The following RGSL1 variants were observed in gnomAD, a reference collection of about 807,000 sequenced individuals.
RGSL1 encodes the protein regulator of G protein signaling like 1.
RGSL1 carries 97 observed loss-of-function variants against 124.7 expected under a neutral mutation model. The ratio of observed to expected loss-of-function variants is 0.78; its 90% CI spans 0.66 to 0.92. The LOEUF is 0.92. RGSL1 is among the 40% of genes least tolerant of loss of function. RGSL1 has a pLI of 0.00. For missense variants in RGSL1, 1,233 were observed against 1,288.4 expected, an observed-to-expected ratio of 0.96 and a Z score of 0.66; for synonymous variants, 424 against 438.1, an observed-to-expected ratio of 0.97 and a Z score of 0.40.
rs372178330 is a variant in RGSL1, at chr1:182,451,579, T to A, written c.13+1401T>A. On this transcript the variant is annotated intron_variant, in intron 1 of 21. Coordinates refer to ENST00000294854, the MANE Select transcript of RGSL1 (RefSeq NM_001137669.2). ...GCACATGCAGGAAACAGCAATGCCT[T>A]GGCTTAGCTTGCAAACAGGAGGCAG... is the stretch of plus-strand genomic sequence containing the variant. Among the ~76,000 whole-genome samples the A allele has an allele frequency of 6.6e-5, 10 of 151,570 alleles. No homozygotes were observed. The East Asian group carries it at 2.0e-3, about 30-fold the overall frequency.
At chr1:182,533,366 T>A (rs1659323821) in intron 14 of RGSL1, among the ~76,000 whole-genome samples, 1 of 151,826 alleles carries the variant, frequency 6.6e-6, no homozygotes, top group Admixed American at 6.6e-5. Flanking sequence ...TATATCTGCC[T>A]TGTTTTTGAC....
chr1:182,497,063 A>G (rs1655969491), intron 9 of RGSL1, among the ~76,000 whole-genome samples: 1 of 152,114 alleles, frequency 6.6e-6, no homozygotes, highest in Non-Finnish European at 1.5e-5. Flanking sequence ...GACTAATGTA[A>G]TATTCTGCAG....
chr1:182,517,155 G>C (rs1468118937), intron 9 of RGSL1, among the ~76,000 whole-genome samples: 1 of 152,040 alleles, frequency 6.6e-6, no homozygotes, highest in Non-Finnish European at 1.5e-5. Context: ...TTGCATGGCA[G>C]TGTTTTTCTT....
intron 6 of RGSL1, among the ~76,000 whole-genome samples, chr1:182,483,371 A>G (rs141717230): frequency 0.014 from 2,206 of 152,264 alleles, 49 homozygotes; most frequent in African/African-American, 0.047. Context: ...ATCTTCAGAG[A>G]CATCAAGTTG....
At chr1:182,553,601 A>G in intron 19 of RGSL1, 60 bp downstream of exon 19, 1 of 1,455,354 alleles carries the variant, frequency 6.9e-7, no homozygotes. Flanking sequence ...GGACTTTAAA[A>G]CCAGCTTGGC....
intron 4 of RGSL1, among the ~76,000 whole-genome samples, chr1:182,464,210 T>G (rs1196837731): frequency 1.3e-5 from 2 of 152,094 alleles, no homozygotes; most frequent in Non-Finnish European, 2.9e-5. Context: ...ATGGGAAAAT[T>G]TATAGCTATG....
At chr1:182,509,753 G>A (rs1657223480) in intron 9 of RGSL1, among the ~76,000 whole-genome samples, 1 of 137,250 alleles carries the variant, frequency 7.3e-6, no homozygotes, top group African/African-American at 2.7e-5. Flanking sequence ...GGCACGGCTG[G>A]CCGGGTGGGG....
rs1330406434 is a variant in RGSL1 at position 182,450,179 on chromosome 1, G to C, written c.13+1G>C. 6.4e-7 allele frequency: 1 copy of C among 1,552,006 alleles called. No homozygotes were observed. Among genetic ancestry groups the C allele is most frequent in the African/African-American group, 1.4e-5 (1 of 73,044 alleles). Reference sequence around the variant, plus strand: ...GAGCATGGCAACATGAGCAGTGCTGGTGAGTCTCTGCCAGGGATGTCTCCA... The same window carrying C: ...GAGCATGGCAACATGAGCAGTGCTGCTGAGTCTCTGCCAGGGATGTCTCCA... On this transcript the variant is annotated splice_donor_variant, in intron 1 of 21. Coordinates refer to ENST00000294854, the MANE Select transcript of RGSL1 (RefSeq NM_001137669.2). LOFTEE classifies it high-confidence loss of function.
At chr1:182,551,351 G>A in intron 18 of RGSL1, 142 bp downstream of exon 18, 2 of 659,368 alleles carry the variant, frequency 3.0e-6, no homozygotes, top group East Asian at 5.4e-5. Context: ...GGCCCTCAGG[G>A]AGACAGAGCA....
intron 4 of RGSL1, among the ~76,000 whole-genome samples, chr1:182,463,185 T>C (rs897468549): frequency 4.0e-5 from 6 of 151,572 alleles, no homozygotes; most frequent in Admixed American, 1.3e-4. Context: ...TCCCACCTAC[T>C]TGGGAAGTTG....
intron 6 of RGSL1, among the ~76,000 whole-genome samples, chr1:182,475,491 G>A (rs770638780): frequency 2.0e-5 from 3 of 152,154 alleles, no homozygotes; most frequent in Non-Finnish European, 2.9e-5. Context: ...GTCAGTAAGG[G>A]CAGGGCACCT....
intron 7 of RGSL1, chr1:182,488,570 C>T (rs1655270043): frequency 2.0e-6 from 1 of 494,026 alleles, no homozygotes; most frequent in African/African-American, 2.0e-5. Flanking sequence ...ACTAAAAATA[C>T]AAAAAATTAG....
Position 182,540,392 on chromosome 1 carries a change from TG to T in RGSL1, c.2641del (p.Asp881IlefsTer32). 6.4e-7 allele frequency: 1 copy of T among 1,550,620 alleles called. No individual in the cohort carries two copies. Among genetic ancestry groups the T allele is most frequent in the East Asian group, 2.4e-5 (1 of 40,910 alleles). Reference protein sequence around the residue: ...RIITVNFAINDLYFFSEMEKF... With the variant: ...RIITVNFAINXLYFFSEMEKF... ...TTATCACTGTCAACTTTGCGATCAA[TG>T]ATCTATATTTCTTTTCTGAAATGGA... On this transcript the variant is annotated frameshift_variant, in exon 15 of 22. Transcript: ENST00000294854. LOFTEE classifies it high-confidence loss of function.
chr1:182,508,595 G>A (rs528216510), intron 9 of RGSL1, among the ~76,000 whole-genome samples: 24 of 151,264 alleles, frequency 1.6e-4, no homozygotes, highest in African/African-American at 4.4e-4. Flanking sequence ...CACTGCACCC[G>A]GCTCTCATAG....
intron 9 of RGSL1, among the ~76,000 whole-genome samples, chr1:182,516,269 G>A (rs1657887996): frequency 6.6e-6 from 1 of 152,214 alleles, no homozygotes. Context: ...TCCAGGCTTG[G>A]GAGCGGGCCC....
chr1:182,545,803 T>G lies in RGSL1; in HGVS notation c.2670-2514T>G, dbSNP rs568291898. 5.9e-5 allele frequency among the ~76,000 whole-genome samples: 9 copies of G among 152,298 alleles called. 1 individual carries two copies. Among genetic ancestry groups the G allele is most frequent in the Admixed American group, 1.3e-4 (2 of 15,304 alleles). ...AGTCTGTTGCCAGGTGAATTGGAGC[T>G]TCTTTATATGTTATTTTCTTCTTTT... On this transcript the variant is annotated intron_variant, in intron 15 of 21. Transcript: ENST00000294854.
intron 10 of RGSL1, among the ~76,000 whole-genome samples, chr1:182,526,513 A>C (rs963686015): frequency 1.3e-5 from 2 of 150,770 alleles, no homozygotes; most frequent in African/African-American, 2.4e-5. Context: ...AAAAAAAAAA[A>C]CACAAACATT....
chr1:182,536,809 T>C (rs1469120885), intron 14 of RGSL1, among the ~76,000 whole-genome samples: 2 of 151,966 alleles, frequency 1.3e-5, no homozygotes, highest in Non-Finnish European at 2.9e-5. Context: ...TTATTCACTA[T>C]CATGAGAACA....
intron 9 of RGSL1, among the ~76,000 whole-genome samples, chr1:182,514,028 G>A (rs1657671684): frequency 6.6e-6 from 1 of 151,884 alleles, no homozygotes; most frequent in African/African-American, 2.4e-5. Flanking sequence ...TGAGTAGCTG[G>A]GATTACAGGC....
Sources: allele counts gnomAD v4.1 joint callset (sites outside exome capture counted in the v4.1 genomes callset), GRCh38; gene constraint gnomAD v4.1.1; transcripts MANE v1.5; gene names NCBI Gene and HGNC (gene_info 2026-07-23, HGNC 2026-07-21).